UPF2: variants seen among roughly 807,000 people sequenced by gnomAD.
UPF2 encodes the protein UPF2 regulator of nonsense mediated mRNA decay, also known as regulator of nonsense transcripts 2.
In UPF2, 17 loss-of-function variants were observed where a neutral mutation model predicts 141.4. That is an observed-to-expected ratio of 0.12 (90% CI 0.08 to 0.18). UPF2 has a LOEUF of 0.18. Ranked by LOEUF, UPF2 falls within the 10% of genes least tolerant of loss-of-function variation. The pLI is 1.00. For synonymous variants in UPF2, 540 were observed against 498.0 expected, an observed-to-expected ratio of 1.08 and a Z score of -1.12; for missense variants, 1,152 against 1,515.9, an observed-to-expected ratio of 0.76 and a Z score of 3.99.
chr10:12,008,670 C>T (rs1203737362), intron 4 of UPF2, among the ~76,000 whole-genome samples: 1 of 148,374 alleles, frequency 6.7e-6, no homozygotes, highest in Non-Finnish European at 1.5e-5. Context: ...CATTCTCATA[C>T]ACTTAGTGGC....
chr10:12,034,039 T>C (rs1042247039), intron 2 of UPF2, among the ~76,000 whole-genome samples: 9 of 152,214 alleles, frequency 5.9e-5, no homozygotes, highest in African/African-American at 9.6e-5. Context: ...GCTTAATGAA[T>C]AGTCAAAAGT....
chr10:11,962,147 C>T (rs1283336354), intron 11 of UPF2, among the ~76,000 whole-genome samples: 1 of 152,176 alleles, frequency 6.6e-6, no homozygotes, highest in Non-Finnish European at 1.5e-5. Context: ...TTAGTCTCAA[C>T]CTGTTAGCTG....
intron 8 of UPF2, among the ~76,000 whole-genome samples, chr10:11,984,816 G>C (rs1307294846): frequency 6.6e-6 from 1 of 152,026 alleles, no homozygotes. Flanking sequence ...AGGTTCGAGT[G>C]ATTCTCCTGC....
chr10:12,017,676 C>T (rs1179683830), intron 3 of UPF2, among the ~76,000 whole-genome samples: 1 of 152,272 alleles, frequency 6.6e-6, no homozygotes, highest in East Asian at 1.9e-4. Flanking sequence ...GAGAATAGTC[C>T]TCAAGAAAAG....
At chr10:11,922,933 A>C (rs1832664131) in intron 21 of UPF2, among the ~76,000 whole-genome samples, 1 of 152,214 alleles carries the variant, frequency 6.6e-6, no homozygotes, top group African/African-American at 2.4e-5. Flanking sequence ...AGATACTGAG[A>C]GGCTGAGGCA....
chr10:11,941,329 C>T (rs1225681480), intron 18 of UPF2, among the ~76,000 whole-genome samples: 1 of 152,130 alleles, frequency 6.6e-6, no homozygotes, highest in African/African-American at 2.4e-5. Context: ...TGATTGCTTG[C>T]GCTCCTAAAT....
rs1177127313 is a variant in UPF2, at chr10:12,014,317, G to C, written c.1146-133C>G. On this transcript the variant is annotated intron_variant, in intron 3 of 21. Coordinates refer to ENST00000357604, the MANE Select transcript of UPF2 (RefSeq NM_015542.4). The surrounding 1 kb of genome is among the most constrained non-coding windows in gnomAD (Gnocchi z 5.0). ...AAATCTTCATTTTTATTTAACATTTGAATCTAGTATTTTCAAAATGTATCT... is the reference window on the plus strand; with the variant it reads ...AAATCTTCATTTTTATTTAACATTTCAATCTAGTATTTTCAAAATGTATCT... 1 of 885,612 alleles carries C rather than the reference G, an allele frequency of 1.1e-6. No homozygotes were observed. The highest frequency in any genetic ancestry group is 1.7e-5 in the African/African-American group (1 of 57,408). 54.9% of individuals were successfully genotyped at this position (885,612 alleles called of 1,614,324 possible).
intron 1 of UPF2, among the ~76,000 whole-genome samples, chr10:12,039,602 A>T (rs1826155665): frequency 6.6e-6 from 1 of 151,766 alleles, no homozygotes; most frequent in African/African-American, 2.4e-5. Flanking sequence ...CAGAACTTAC[A>T]ATTATGTCTC....
rs528134353 is a variant in UPF2, at chr10:11,956,751, T to A, written c.2371-228A>T. Among the ~76,000 whole-genome samples, 1 of 152,218 alleles carries A rather than the reference T, an allele frequency of 6.6e-6. No homozygotes were observed. The highest frequency in any genetic ancestry group is 1.9e-4 in the East Asian group (1 of 5,172). ...CATAGTGCTCTCAAATTTTCTAGAGTTTTCAGGTCTTCAATCTAGGTGACT... is the reference window on the plus strand; with the variant it reads ...CATAGTGCTCTCAAATTTTCTAGAGATTTCAGGTCTTCAATCTAGGTGACT... On this transcript the variant is annotated intron_variant, in intron 12 of 21. Coordinates refer to ENST00000357604, the MANE Select transcript of UPF2 (RefSeq NM_015542.4). The surrounding 1 kb of genome is among the most constrained non-coding windows in gnomAD (Gnocchi z 4.2).
rs974905931 is a variant in UPF2 at position 11,971,931 on chromosome 10, G to T, written c.1954-4477C>A. Among the ~76,000 whole-genome samples, 4 of 152,072 alleles carry T rather than the reference G, an allele frequency of 2.6e-5. No homozygotes were observed. In the South Asian group the frequency reaches 6.2e-4, roughly 24 times the overall value. On this transcript the variant is annotated intron_variant, in intron 9 of 21. Coordinates refer to ENST00000357604, the MANE Select transcript of UPF2 (RefSeq NM_015542.4). ...GTACAAAAATTGGCCAGGTATGGTG[G>T]CCTGTGCCTGTAGTCCCAGCTACTT...
chr10:12,029,636 A>G, intron 2 of UPF2, 112 bp from the exon 3 acceptor site: 1 of 1,217,846 alleles, frequency 8.2e-7, no homozygotes, highest in East Asian at 2.6e-5. Flanking sequence ...ATAACAATCT[A>G]CAAGATTCAA....
chr10:11,998,571 G>C lies in UPF2; in HGVS notation c.1759-814C>G, dbSNP rs1833900817. ...TGAAACATAATAAAAATCGCTCCTTGGATGGGCACGGTGGCTCACACCTGT... is the reference window on the plus strand; with the variant it reads ...TGAAACATAATAAAAATCGCTCCTTCGATGGGCACGGTGGCTCACACCTGT... On this transcript the variant is annotated intron_variant, in intron 7 of 21. Transcript: ENST00000357604. This position sits in a 1 kb window ranked among gnomAD's most constrained non-coding sequence, Gnocchi z 4.5. 6.6e-6 allele frequency among the ~76,000 whole-genome samples: 1 copy of C among 152,120 alleles called. No homozygotes were observed. Among genetic ancestry groups the C allele is most frequent in the African/African-American group, 2.4e-5 (1 of 41,436 alleles).
At chr10:11,930,085 T>C (rs1353580046) in intron 20 of UPF2, 100 bp from the exon 21 acceptor site, 20 of 1,538,322 alleles carry the variant, frequency 1.3e-5, no homozygotes, top group Admixed American at 3.7e-5. Flanking sequence ...TTATTAGTCC[T>C]GTCAGGGAGC....
intron 8 of UPF2, among the ~76,000 whole-genome samples, chr10:11,990,712 G>T (rs1345320763): frequency 6.9e-6 from 1 of 143,900 alleles, no homozygotes; most frequent in Admixed American, 7.2e-5. Flanking sequence ...CTGTTGACCA[G>T]GCCCAGTGGC....
intron 3 of UPF2, among the ~76,000 whole-genome samples, chr10:12,015,212 TTTC>T (rs1834196760): frequency 6.6e-6 from 1 of 152,206 alleles, no homozygotes; most frequent in African/African-American, 2.4e-5. Flanking sequence ...AAGTTTTTTA[TTTC>T]TTGTTATTTG....
At position 11,958,354 on chromosome 10, in the gene UPF2, T is replaced by C. The variant is rs144627339; in HGVS notation, c.2370+817A>G. On this transcript the variant is annotated intron_variant, in intron 12 of 21. Transcript: ENST00000357604. ...AAAGTAAGCCTTTCATCTCTACTCT[T>C]TATTATCATCCACAATTCATCTTTC... Among the ~76,000 whole-genome samples, 237 of 152,340 alleles carry C rather than the reference T, an allele frequency of 1.6e-3. 1 individual carries two copies. Among genetic ancestry groups the C allele is most frequent in the African/African-American group, 5.3e-3 (219 of 41,578 alleles).
At chr10:11,949,935 T>C (rs747611897) in intron 15 of UPF2, among the ~76,000 whole-genome samples, 2 of 152,132 alleles carry the variant, frequency 1.3e-5, no homozygotes, top group East Asian at 1.9e-4. Flanking sequence ...TTATGGCACA[T>C]AGATACAAAT....
intron 5 of UPF2, among the ~76,000 whole-genome samples, chr10:12,003,831 A>G (rs1482542519): frequency 1.1e-5 from 1 of 93,782 alleles, no homozygotes; most frequent in Admixed American, 1.1e-4. Flanking sequence ...AGGCTAAAGC[A>G]GGAGAATCAC....
Position 11,921,739 on chromosome 10 carries a change from C to T in UPF2, c.3810-432G>A, listed in dbSNP as rs143606057. On this transcript the variant is annotated intron_variant, in intron 21 of 21. Transcript: ENST00000357604. This position sits in a 1 kb window ranked among gnomAD's most constrained non-coding sequence, Gnocchi z 5.9. The stretch of plus-strand genomic sequence containing the variant: ...ACTGTAGTGCTTTTTTGAGAGCATT[C>T]ATGCTCTCTACTGAGCTACAACTTA... 2.0e-3 allele frequency among the ~76,000 whole-genome samples: 311 copies of T among 152,236 alleles called. 1 individual carries two copies. The highest frequency in any genetic ancestry group is 6.8e-3 in the African/African-American group (283 of 41,556).
Sources: gnomAD v4.1 joint callset for allele counts (sites outside exome capture counted in the v4.1 genomes callset) on GRCh38, gnomAD v4.1.1 for gene constraint, Gnocchi (gnomAD v3.1) non-coding constraint, MANE v1.5 for transcripts, NCBI Gene and HGNC (gene_info 2026-07-23, HGNC 2026-07-21) for gene names.